Variants in DOCK11 observed in about 807,000 individuals in gnomAD.
DOCK11 encodes the protein dedicator of cytokinesis 11.
Under a neutral mutation model 169.1 loss-of-function variants are expected in DOCK11, and 70 were observed. That is an observed-to-expected ratio of 0.41 (90% CI 0.34 to 0.51). The LOEUF (loss-of-function observed/expected upper bound fraction) is 0.51. DOCK11 is among the 20% of genes least tolerant of loss of function. The probability of loss-of-function intolerance (pLI) is 0.10; values close to 1 mark genes in which losing one functional copy is unlikely to be tolerated. For missense variants in DOCK11, 1,166 were observed against 1,538.8 expected, an observed-to-expected ratio of 0.76 and a Z score of 4.05; for synonymous variants, 529 against 541.3, an observed-to-expected ratio of 0.98 and a Z score of 0.32.
intron 46 of DOCK11, among the ~76,000 whole-genome samples, chrX:118,674,068 T>G (rs1007100480): frequency 1.8e-4 from 20 of 112,085 alleles, no homozygotes; most frequent in African/African-American, 6.2e-4. Flanking sequence ...TCTCAAACAC[T>G]TCTGGTCCAA....
chrX:118,624,207 C>T, intron 31 of DOCK11, among the ~76,000 whole-genome samples: 1 of 112,939 alleles, frequency 8.9e-6, no homozygotes, highest in Non-Finnish European at 1.9e-5. Flanking sequence ...TGTCCCTGCT[C>T]TCATGAAGCT....
chrX:118,652,678 G>A (rs144905915), intron 42 of DOCK11, among the ~76,000 whole-genome samples: 2,229 of 111,846 alleles, frequency 0.02, 32 homozygotes, highest in Middle Eastern at 0.056. Context: ...TTATAGCACT[G>A]TAAAAATTCA....
At chrX:118,544,972 G>C (rs2012208772) in intron 4 of DOCK11, among the ~76,000 whole-genome samples, 2 of 109,209 alleles carry the variant, frequency 1.8e-5, no homozygotes, top group African/African-American at 6.7e-5. Flanking sequence ...CGCCTGGCCT[G>C]TGTTGCTTTT....
chrX:118,503,941 G>C, intron 1 of DOCK11, among the ~76,000 whole-genome samples: 1 of 111,283 alleles, frequency 9.0e-6, no homozygotes. Context: ...TCCCACTCTG[G>C]GGTGGGTCTG....
intron 35 of DOCK11, chrX:118,632,969 T>TGGGGGGGGG (rs766019635): frequency 2.8e-5 from 1 of 35,824 alleles, no homozygotes; most frequent in African/African-American, 1.5e-4. Flanking sequence ...TGGGGGGCGG[T>TGGGGGGGGG]GGGGGGGGGG....
intron 19 of DOCK11, among the ~76,000 whole-genome samples, chrX:118,592,075 T>G (rs989673008): frequency 1.6e-4 from 17 of 107,563 alleles, no homozygotes; most frequent in Non-Finnish European, 3.3e-4. Context: ...CTATTGTGAA[T>G]AGTGCCGCAA....
rs977668818 is a variant in DOCK11 at position 118,618,809 on chromosome X, C to T, written c.3471+81C>T. 3 of 828,795 alleles carry T rather than the reference C, an allele frequency of 3.6e-6. No homozygotes were observed. The African/African-American group carries it at 6.4e-5, about 18-fold the overall frequency. 68.3% of individuals were successfully genotyped at this position (828,795 alleles called of 1,213,427 possible). On this transcript the variant is annotated intron_variant, in intron 31 of 52. Transcript: ENST00000276202. Reference sequence around the variant, plus strand: ...TTTATAGAAGATGAAGTTTTTGTAGCAAGGAGCATTATATAAGCATTGAGG... The same window carrying T: ...TTTATAGAAGATGAAGTTTTTGTAGTAAGGAGCATTATATAAGCATTGAGG...
At chrX:118,550,229 A>C (rs181146357) in intron 6 of DOCK11, among the ~76,000 whole-genome samples, 30 of 111,607 alleles carry the variant, frequency 2.7e-4, no homozygotes, top group Non-Finnish European at 5.1e-4. Flanking sequence ...ACTTGAACCC[A>C]GGAGTTTAAG....
chrX:118,662,060 A>G (rs2147561172), intron 44 of DOCK11, among the ~76,000 whole-genome samples: 1 of 112,486 alleles, frequency 8.9e-6, no homozygotes, highest in South Asian at 3.7e-4. Context: ...CAGATGATAA[A>G]ACTTTTTATA....
At position 118,648,887 on chromosome X, in the gene DOCK11, T is replaced by G. The variant is rs566578940; in HGVS notation, c.4399-58T>G. 3.8e-5 allele frequency: 40 copies of G among 1,049,420 alleles called. No individual in the cohort carries two copies. In the South Asian group the frequency reaches 9.0e-4, roughly 24 times the overall value. 86.5% of individuals were successfully genotyped at this position (1,049,420 alleles called of 1,213,427 possible). A position where few individuals can be genotyped will look rare whatever the true frequency, so the allele number is the denominator to read the frequency against. The stretch of plus-strand genomic sequence containing the variant: ...GTGAGGATATAGAGGGCACTTGATA[T>G]TCTATTGATTTTATGATTGGATTTT... On this transcript the variant is annotated intron_variant, in intron 40 of 52. Coordinates refer to ENST00000276202, the MANE Select transcript of DOCK11 (RefSeq NM_144658.4).
intron 1 of DOCK11, among the ~76,000 whole-genome samples, chrX:118,517,480 CATTT>C (rs890183711): frequency 4.6e-5 from 5 of 109,298 alleles, no homozygotes; most frequent in Admixed American, 2.0e-4. Flanking sequence ...AACATTAATT[CATTT>C]ATTTTACTCT....
intron 23 of DOCK11, among the ~76,000 whole-genome samples, chrX:118,602,118 A>C (rs2014362401): frequency 1.1e-5 from 1 of 92,774 alleles, no homozygotes; most frequent in Non-Finnish European, 2.2e-5. Flanking sequence ...TTTTTTTTTA[A>C]CAGATGAGGA....
At chrX:118,565,384 T>C (rs774559592) in intron 7 of DOCK11, among the ~76,000 whole-genome samples, 3 of 112,336 alleles carry the variant, frequency 2.7e-5, no homozygotes, top group Non-Finnish European at 3.8e-5. Context: ...CATTTAATTG[T>C]GTTAGGAACA....
chrX:118,597,600 A>G (rs767483826), intron 21 of DOCK11, 48 bp downstream of exon 21: 1 of 1,197,454 alleles, frequency 8.4e-7, no homozygotes, highest in East Asian at 3.0e-5. Context: ...AAATGTGCAA[A>G]AAATAGAATT....
intron 39 of DOCK11, among the ~76,000 whole-genome samples, chrX:118,641,545 C>T (rs1196991274): frequency 9.0e-6 from 1 of 111,288 alleles, no homozygotes; most frequent in Non-Finnish European, 1.9e-5. Context: ...CTCTTAAATT[C>T]TATTAGATTT....
chrX:118,546,251 G>A (rs1160353203), intron 6 of DOCK11, 135 bp downstream of exon 6: 4 of 330,099 alleles, frequency 1.2e-5, no homozygotes, highest in East Asian at 4.5e-5. Context: ...TCTCACAGAC[G>A]TATGGAATTT....
intron 6 of DOCK11, among the ~76,000 whole-genome samples, chrX:118,558,473 A>G (rs923693946): frequency 8.9e-6 from 1 of 112,283 alleles, no homozygotes; most frequent in Non-Finnish European, 1.9e-5. Context: ...TCTTTTAGAA[A>G]TGTAAAAAAT....
At chrX:118,517,645 A>G (rs1400101192) in intron 1 of DOCK11, among the ~76,000 whole-genome samples, 1 of 110,736 alleles carries the variant, frequency 9.0e-6, no homozygotes, top group Non-Finnish European at 1.9e-5. Context: ...AATTTTTCCT[A>G]TAATCCTGCA....
rs368147944 is a variant in DOCK11, at chrX:118,641,141, A to T, written c.4145-49A>T. 29 of 934,556 alleles carry T rather than the reference A, an allele frequency of 3.1e-5. No individual in the cohort carries two copies. In the African/African-American group the frequency reaches 4.3e-4, roughly 14 times the overall value. 77.0% of individuals were successfully genotyped at this position (934,556 alleles called of 1,213,427 possible). The stretch of plus-strand genomic sequence containing the variant: ...GGGTAGAAAGTCATTCAACACCATT[A>T]TGTGCATCTTCGTGTTGGGAAAAGT... On this transcript the variant is annotated intron_variant, in intron 38 of 52. Coordinates refer to ENST00000276202, the MANE Select transcript of DOCK11 (RefSeq NM_144658.4).
Sources: gnomAD v4.1 joint callset for allele counts (sites outside exome capture counted in the v4.1 genomes callset) on GRCh38, gnomAD v4.1.1 for gene constraint, MANE v1.5 for transcripts, NCBI Gene and HGNC (gene_info 2026-07-23, HGNC 2026-07-21) for gene names.